Variants in SBK2 observed in about 807,000 individuals in gnomAD.
SBK2 encodes SH3 domain binding kinase family member 2, also known as serine/threonine-protein kinase SBK2.
Under a neutral mutation model 15.9 loss-of-function variants are expected in SBK2, and 18 were observed. The observed-to-expected ratio is 1.13, with a 90% CI of 0.78 to 1.68. SBK2 has a LOEUF of 1.68. Ranked by LOEUF, SBK2 falls within the 40% of genes most tolerant of loss-of-function variation. The pLI is 0.00. For missense variants in SBK2, 581 were observed against 510.9 expected (o/e 1.14, Z -1.32); for synonymous variants, 284 against 246.8 (o/e 1.15, Z -1.41).
intron 1 of SBK2, among the ~76,000 whole-genome samples, chr19:55,536,688 G>A (rs1433763720): frequency 1.3e-5 from 2 of 152,090 alleles, no homozygotes; most frequent in South Asian, 2.1e-4. Context: ...GGCCTGGGAC[G>A]CCTGGGTCCT....
chr19:55,535,012 G>A (rs913908434), intron 2 of SBK2, among the ~76,000 whole-genome samples: 9 of 151,488 alleles, frequency 5.9e-5, no homozygotes, highest in Non-Finnish European at 1.5e-5. Flanking sequence ...GCAACAGAGC[G>A]AGACTCCATT....
intron 2 of SBK2, 42 bp downstream of exon 2, chr19:55,536,000 C>G (rs1208019717): frequency 7.0e-7 from 1 of 1,423,516 alleles, no homozygotes; most frequent in African/African-American, 1.5e-5. Context: ...CGTGCCCCGC[C>G]CCCAGCTGAA....
chr19:55,532,515 C>G (rs1988295582), intron 2 of SBK2, among the ~76,000 whole-genome samples: 1 of 151,310 alleles, frequency 6.6e-6, no homozygotes, highest in African/African-American at 2.4e-5. Flanking sequence ...GTTGGTCAGG[C>G]TAGTCTTGAA....
At position 55,530,287 on chromosome 19, in the gene SBK2, C is replaced by T; in HGVS notation, c.493G>A (p.Ala165Thr). ...TACTCCAGGGCGGAGGCCAGCTGGG[C>T]GGCGCAGCGGTGCACCGCGGGCTGC... is the stretch of plus-strand genomic sequence containing the variant. Reference protein sequence around the residue: ...LPQPAVHRCAAQLASALEYIH... With the variant: ...LPQPAVHRCATQLASALEYIH... The change falls in exon 4 of 4, where the codon GCC becomes ACC. Residue 165 changes from alanine to threonine, a missense_variant. Coordinates refer to ENST00000413299, the MANE Select transcript of SBK2 (RefSeq NM_001370096.2). 1 of 1,452,492 alleles carries T rather than the reference C, an allele frequency of 6.9e-7. No homozygotes were observed. The highest frequency in any genetic ancestry group is 9.1e-7 in the Non-Finnish European group (1 of 1,102,014). 90.0% of individuals were successfully genotyped at this position (1,452,492 alleles called of 1,614,324 possible). A position where few individuals can be genotyped will look rare whatever the true frequency, so the allele number is the denominator to read the frequency against.
chr19:55,530,541 C>T (rs368297075), intron 3 of SBK2, among the ~76,000 whole-genome samples: 3 of 25,654 alleles, frequency 1.2e-4, no homozygotes, highest in Non-Finnish European at 4.4e-4. Flanking sequence ...TTTAGTGGGG[C>T]CTAGTGTGAC....
At position 55,530,248 on chromosome 19, in the gene SBK2, C is replaced by A; in HGVS notation, c.532G>T (p.Gly178Cys). 6.6e-7 allele frequency: 1 copy of A among 1,517,820 alleles called. No individual in the cohort carries two copies. Among genetic ancestry groups the A allele is most frequent in the East Asian group, 2.5e-5 (1 of 39,326 alleles). 94.0% of individuals were successfully genotyped at this position (1,517,820 alleles called of 1,614,324 possible). Residue 178 changes from glycine to cysteine, a missense_variant, in exon 4 of 4, where the codon GGC becomes TGC. Physicochemically the swap from Gly to Cys is radical, Grantham distance 159. Coordinates refer to ENST00000413299, the MANE Select transcript of SBK2 (RefSeq NM_001370096.2). ...GGCTTCAGGTCCCGGTACACCAGGC[C>A]GCGGGCGTGGATGTACTCCAGGGCG... Reference protein sequence around the residue: ...ASALEYIHARGLVYRDLKPEN... With the variant: ...ASALEYIHARCLVYRDLKPEN...
At chr19:55,534,836 C>T (rs1220636874) in intron 2 of SBK2, among the ~76,000 whole-genome samples, 4 of 151,610 alleles carry the variant, frequency 2.6e-5, no homozygotes. Context: ...ACTAGCCTGG[C>T]TAACATGGTG....
Position 55,536,033 on chromosome 19 carries a change from G to T in SBK2, c.253+9C>A. 1 of 1,462,764 alleles carries T rather than the reference G, an allele frequency of 6.8e-7. No homozygotes were observed. Among genetic ancestry groups the T allele is most frequent in the Non-Finnish European group, 9.1e-7 (1 of 1,100,672 alleles). 90.6% of individuals were successfully genotyped at this position (1,462,764 alleles called of 1,614,324 possible). A position where few individuals can be genotyped will look rare whatever the true frequency, so the allele number is the denominator to read the frequency against. On this transcript the variant is annotated intron_variant, in intron 2 of 3. Coordinates refer to ENST00000413299, the MANE Select transcript of SBK2 (RefSeq NM_001370096.2). ...GAACCCTGCCACCTCTGGCCCCACA[G>T]CCTCGTACCTTTCTGACGATGGGTG...
Position 55,529,690 on chromosome 19 carries a change from C to T in SBK2, c.*43G>A, listed in dbSNP as rs1172051845. ...ACCAAAAGCCGTTGGCCTTGGGGGC[C>T]TCGGGTGGGGCGGCTTCCCTTTCTG... On this transcript the variant is annotated 3_prime_UTR_variant, in exon 4 of 4. Transcript: ENST00000413299. 1 of 1,582,688 alleles carries T rather than the reference C, an allele frequency of 6.3e-7. No individual in the cohort carries two copies. The highest frequency in any genetic ancestry group is 8.5e-7 in the Non-Finnish European group (1 of 1,172,012).
Position 55,529,802 on chromosome 19 carries a change from C to G in SBK2, c.978G>C (p.Gly326=). 6.2e-7 allele frequency: 1 copy of G among 1,604,466 alleles called. No homozygotes were observed. Among genetic ancestry groups the G allele is most frequent in the Non-Finnish European group, 8.5e-7 (1 of 1,179,640 alleles). ...SAVIAIREHL[G]RPWRQREGEA... ...CGCCCTCCCGCTGCCTCCAGGGGCG[C>G]CCCAGGTGCTCCCTGATGGCGATCA... Residue 326 remains glycine (G), a synonymous_variant, in exon 4 of 4, where the codon GGG becomes GGC. Transcript: ENST00000413299.
chr19:55,531,771 A>G (rs921043606), intron 2 of SBK2, among the ~76,000 whole-genome samples: 1 of 152,212 alleles, frequency 6.6e-6, no homozygotes, highest in East Asian at 1.9e-4. Flanking sequence ...TGATGTCAGG[A>G]GTTCAAGACC....
chr19:55,534,704 C>CAAAAAAAAAAAAAA (rs35461460), intron 2 of SBK2, among the ~76,000 whole-genome samples: 16 of 82,544 alleles, frequency 1.9e-4, no homozygotes, highest in African/African-American at 4.3e-4. Flanking sequence ...GACCCTGTCT[C>CAAAAAAAAAAAAAA]AAAAAAAAAA....
chr19:55,531,173 G>A lies in SBK2; in HGVS notation c.426C>T (p.His142=), dbSNP rs45520537. The A allele has an allele frequency of 0.047, 75,266 of 1,612,494 alleles. 2,213 individuals carry two copies. The highest frequency in any genetic ancestry group is 0.13 in the Admixed American group (7,738 of 60,012). Residue 142 remains histidine (H), a synonymous_variant, in exon 3 of 4, where the codon CAC becomes CAT. Transcript: ENST00000413299. ...SYSFLTEPVL[H]GDLMAFIQPK... is the part of the protein sequence containing the mutation. ...GCTGGATGAAGGCCATGAGGTCCCC[G>A]TGCAGGACGGGCTCCGTCAGGAAGC... is the stretch of plus-strand genomic sequence containing the variant.
At chr19:55,535,976 G>A (rs950840244) in intron 2 of SBK2, 66 bp downstream of exon 2, 1 of 1,384,974 alleles carries the variant, frequency 7.2e-7, no homozygotes, top group South Asian at 1.8e-5. Context: ...CCCCAGCCTG[G>A]GCTACCCCAG....
In SBK2 at chr19:55,536,026, C is replaced by A. The variant is rs79278754; in HGVS notation, c.253+16G>T. 901 of 1,436,446 alleles carry A rather than the reference C, an allele frequency of 6.3e-4. 9 individuals are homozygous for A. The African/African-American group carries it at 0.011, about 18-fold the overall frequency. The allele number at this position is 1,436,446 out of a possible 1,614,324, so 89.0% of individuals were successfully genotyped here. ...CCCAGCTGAACCCTGCCACCTCTGG[C>A]CCCACAGCCTCGTACCTTTCTGACG... On this transcript the variant is annotated intron_variant, in intron 2 of 3. Transcript: ENST00000413299.
In SBK2 at chr19:55,528,954, G is replaced by A. The variant is rs1988175203; in HGVS notation, c.*779C>T. ...GTCCTAGAGCAACAGCAGAGTGGGGGGATGAGGAGGCAGACAGTAAGCATT... is the reference window on the plus strand; with the variant it reads ...GTCCTAGAGCAACAGCAGAGTGGGGAGATGAGGAGGCAGACAGTAAGCATT... On this transcript the variant is annotated 3_prime_UTR_variant, in exon 4 of 4. Transcript: ENST00000413299. Among the ~76,000 whole-genome samples the A allele has an allele frequency of 6.6e-6, 1 of 152,182 alleles. No homozygotes were observed. The highest frequency in any genetic ancestry group is 2.4e-5 in the African/African-American group (1 of 41,440).
rs370444472 is a variant in SBK2 at position 55,531,776 on chromosome 19, A to G, written c.254-431T>C. ...GTGGATTGCTTGATGTCAGGAGTTC[A>G]AGACCAGCCTGGTCAATATGGTGAA... On this transcript the variant is annotated intron_variant, in intron 2 of 3. Transcript: ENST00000413299. Among the ~76,000 whole-genome samples, 4 of 152,298 alleles carry G rather than the reference A, an allele frequency of 2.6e-5. No individual in the cohort carries two copies. The East Asian group carries it at 5.8e-4, about 22-fold the overall frequency.
At chr19:55,536,437 T>A in intron 1 of SBK2, 141 bp from the exon 2 acceptor site, 2 of 646,804 alleles carry the variant, frequency 3.1e-6, no homozygotes, top group Non-Finnish European at 4.3e-6. Context: ...TCCCTCTTGG[T>A]GAGAGGTGGG....
Position 55,530,069 on chromosome 19 carries a change from G to A in SBK2, c.711C>T (p.Gly237=). ...ELCAPPPLPE[G]LPIQPALDAW... is the part of the protein sequence containing the mutation. ...CGTCCAGGGCGGGCTGAATGGGCAG[G>A]CCCTCGGGGAGCGGCGGGGGCGCGC... The change falls in exon 4 of 4, where the codon GGC becomes GGT. Residue 237 remains glycine, a synonymous_variant. Coordinates refer to ENST00000413299, the MANE Select transcript of SBK2 (RefSeq NM_001370096.2). 1 of 1,450,098 alleles carries A rather than the reference G, an allele frequency of 6.9e-7. No homozygotes were observed. The highest frequency in any genetic ancestry group is 2.8e-5 in the Admixed American group (1 of 35,886). 89.8% of individuals were successfully genotyped at this position (1,450,098 alleles called of 1,614,324 possible).
Sources: gnomAD v4.1 joint callset for allele counts (sites outside exome capture counted in the v4.1 genomes callset) on GRCh38, gnomAD v4.1.1 for gene constraint, MANE v1.5 for transcripts, NCBI Gene and HGNC (gene_info 2026-07-23, HGNC 2026-07-21) for gene names.